SORCS3: variants seen among roughly 807,000 people sequenced by gnomAD.
SORCS3 encodes VPS10 domain-containing receptor SorCS3.
SORCS3 carries 57 observed loss-of-function variants against 146.3 expected under a neutral mutation model. The observed-to-expected ratio is 0.39, with a 90% CI of 0.31 to 0.49. The LOEUF (loss-of-function observed/expected upper bound fraction) is 0.49, where lower values mean the gene tolerates loss of function less well. Among genes scored for constraint, SORCS3 ranks in the 20% least tolerant of loss-of-function variants. The pLI is 0.92. For missense variants in SORCS3, 1,341 were observed against 1,575.5 expected (o/e 0.85, Z 2.52); for synonymous variants, 653 against 618.5 (o/e 1.06, Z -0.83).
intron 1 of SORCS3, among the ~76,000 whole-genome samples, chr10:104,726,456 G>C (rs1034496541): frequency 6.6e-6 from 1 of 152,088 alleles, no homozygotes; most frequent in South Asian, 2.1e-4. Context: ...ATGAGGGTTG[G>C]GTAAGGCCTG....
chr10:105,207,209 C>T (rs2056607412), intron 16 of SORCS3, among the ~76,000 whole-genome samples: 1 of 151,928 alleles, frequency 6.6e-6, no homozygotes, highest in Admixed American at 6.6e-5. Context: ...CTTTTCCAGT[C>T]TACCAACTTA....
rs2056447 is a variant in SORCS3, at chr10:104,968,336, G to A, written c.796-8999G>A. On this transcript the variant is annotated intron_variant, in intron 3 of 26. Coordinates refer to ENST00000369701, the MANE Select transcript of SORCS3 (RefSeq NM_014978.3). ...TCATCATATTGGTCAGGCTGGTCTC[G>A]AACTCCTGACCTCAGGTGATCTACC... Among the ~76,000 whole-genome samples, 282 of 152,226 alleles carry A rather than the reference G, an allele frequency of 1.9e-3. 2 individuals carry two copies. The highest frequency in any genetic ancestry group is 3.2e-3 in the Non-Finnish European group (218 of 68,028).
At position 105,076,105 on chromosome 10, in the gene SORCS3, C is replaced by A. The variant is rs199899227; in HGVS notation, c.1029-13670C>A. Reference sequence around the variant, plus strand: ...TCATTAATGTGTTCTTGCATCATTTCATTTCATCATTTCCAAGACCAAATC... The same window carrying A: ...TCATTAATGTGTTCTTGCATCATTTAATTTCATCATTTCCAAGACCAAATC... On this transcript the variant is annotated intron_variant, in intron 5 of 26. Coordinates refer to ENST00000369701, the MANE Select transcript of SORCS3 (RefSeq NM_014978.3). Among the ~76,000 whole-genome samples, 9 of 152,288 alleles carry A rather than the reference C, an allele frequency of 5.9e-5. No homozygotes were observed. In the East Asian group the frequency reaches 1.4e-3, roughly 23 times the overall value.
chr10:105,163,795 T>A (rs1272243068), intron 11 of SORCS3, among the ~76,000 whole-genome samples: 1 of 151,942 alleles, frequency 6.6e-6, no homozygotes, highest in Non-Finnish European at 1.5e-5. Context: ...GGTTACATAA[T>A]CTGTACCATT....
intron 3 of SORCS3, among the ~76,000 whole-genome samples, chr10:104,930,413 A>G (rs752110660): frequency 6.6e-6 from 1 of 152,234 alleles, no homozygotes; most frequent in African/African-American, 2.4e-5. Flanking sequence ...CCTCTAGAAC[A>G]TCTCTTTATA....
intron 5 of SORCS3, among the ~76,000 whole-genome samples, chr10:105,075,860 G>A (rs954306901): frequency 6.6e-6 from 1 of 152,192 alleles, no homozygotes; most frequent in African/African-American, 2.4e-5. Context: ...TGTACCCAAA[G>A]AGATCAGTAA....
chr10:104,772,597 C>T (rs1180015493), intron 1 of SORCS3, among the ~76,000 whole-genome samples: 8 of 152,152 alleles, frequency 5.3e-5, no homozygotes, highest in Admixed American at 1.3e-4. Flanking sequence ...TGACGTTATT[C>T]CCCCGCTTTC....
chr10:104,962,741 T>C (rs1362581986), intron 3 of SORCS3, among the ~76,000 whole-genome samples: 1 of 152,152 alleles, frequency 6.6e-6, no homozygotes, highest in Non-Finnish European at 1.5e-5. Context: ...TTTATGATTG[T>C]AAAGGAAATG....
At chr10:105,106,207 A>G (rs2055820598) in intron 7 of SORCS3, among the ~76,000 whole-genome samples, 1 of 152,170 alleles carries the variant, frequency 6.6e-6, no homozygotes, top group Admixed American at 6.6e-5. Context: ...TGCAACCTTG[A>G]TTTCCCACAC....
At chr10:104,823,139 G>A (rs1376794090) in intron 1 of SORCS3, among the ~76,000 whole-genome samples, 1 of 152,142 alleles carries the variant, frequency 6.6e-6, no homozygotes, top group Non-Finnish European at 1.5e-5. Context: ...TGCCTGCAGG[G>A]CCAATAGGCA....
intron 22 of SORCS3, among the ~76,000 whole-genome samples, chr10:105,250,231 C>T (rs1349158936): frequency 2.0e-5 from 3 of 152,052 alleles, no homozygotes; most frequent in Admixed American, 2.0e-4. Flanking sequence ...CAAGGCCCCA[C>T]CCTGATACCA....
intron 5 of SORCS3, among the ~76,000 whole-genome samples, chr10:105,062,550 C>A (rs986060716): frequency 6.6e-6 from 1 of 152,002 alleles, no homozygotes; most frequent in East Asian, 1.9e-4. Flanking sequence ...GATAGGGACC[C>A]GGTGTAGTGG....
chr10:104,936,117 A>C (rs1454489420), intron 3 of SORCS3, among the ~76,000 whole-genome samples: 1 of 152,206 alleles, frequency 6.6e-6, no homozygotes, highest in Admixed American at 6.5e-5. Flanking sequence ...AGGCCTAATC[A>C]TGACAGTTTT....
At chr10:104,749,226 GGTGT>G (rs60550253) in intron 1 of SORCS3, among the ~76,000 whole-genome samples, 10,987 of 140,822 alleles carry the variant, frequency 0.078, 638 homozygotes, top group African/African-American at 0.15. Flanking sequence ...CAAAGTATAG[GGTGT>G]GTGTGTGTGT....
At chr10:105,252,704 C>T in intron 22 of SORCS3, 71 bp from the exon 23 acceptor site, 1 of 1,597,712 alleles carries the variant, frequency 6.3e-7, no homozygotes. Context: ...GCTGTGCACA[C>T]TCTGCTCTTG....
At chr10:104,845,676 G>A (rs1458910527) in intron 2 of SORCS3, among the ~76,000 whole-genome samples, 1 of 152,152 alleles carries the variant, frequency 6.6e-6, no homozygotes, top group Non-Finnish European at 1.5e-5. Context: ...GAAGGTTGGG[G>A]GTTAGGGAGG....
At chr10:104,646,771 G>T (rs904508422) in intron 1 of SORCS3, among the ~76,000 whole-genome samples, 6 of 152,166 alleles carry the variant, frequency 3.9e-5, no homozygotes, top group African/African-American at 1.4e-4. Flanking sequence ...GGAGGAGGAG[G>T]TGGGAGATAT....
intron 4 of SORCS3, among the ~76,000 whole-genome samples, chr10:104,998,316 T>C (rs2055039445): frequency 6.6e-6 from 1 of 151,968 alleles, no homozygotes; most frequent in South Asian, 2.1e-4. Flanking sequence ...CCTCATTTTC[T>C]GTACATTGAA....
intron 7 of SORCS3, among the ~76,000 whole-genome samples, chr10:105,131,659 C>G (rs2056019982): frequency 6.6e-6 from 1 of 152,090 alleles, no homozygotes; most frequent in Non-Finnish European, 1.5e-5. Context: ...TTGATTCGTT[C>G]ATGGTTTTGC....
Sources: allele counts gnomAD v4.1 joint callset (sites outside exome capture counted in the v4.1 genomes callset), GRCh38; gene constraint gnomAD v4.1.1; transcripts MANE v1.5; gene names NCBI Gene and HGNC (gene_info 2026-07-23, HGNC 2026-07-21).